Variants in PDE4D observed in about 807,000 individuals in gnomAD.
The protein encoded by PDE4D is 3',5'-cyclic-AMP phosphodiesterase 4D.
PDE4D carries 24 observed loss-of-function variants against 87.4 expected under a neutral mutation model. The ratio of observed to expected loss-of-function variants is 0.27; its 90% CI spans 0.20 to 0.39. The LOEUF is 0.39. PDE4D is among the 10% of genes least tolerant of loss of function. PDE4D has a pLI of 1.00. For synonymous variants in PDE4D, 384 were observed against 383.2 expected, an observed-to-expected ratio of 1.00 and a Z score of -0.02; for missense variants, 714 against 1,041.0, an observed-to-expected ratio of 0.69 and a Z score of 4.32.
At chr5:59,637,626 T>C (rs1832417106) in intron 1 of PDE4D, among the ~76,000 whole-genome samples, 1 of 150,890 alleles carries the variant, frequency 6.6e-6, no homozygotes, top group Non-Finnish European at 1.5e-5. Context: ...CTTGAAACCA[T>C]CATTCTTAGC....
intron 1 of PDE4D, among the ~76,000 whole-genome samples, chr5:60,465,737 A>G (rs1043808562): frequency 6.6e-6 from 1 of 152,146 alleles, no homozygotes; most frequent in Non-Finnish European, 1.5e-5. Flanking sequence ...TACCTATCCT[A>G]CCAAGAATCA....
At chr5:59,742,065 G>T (rs766520643) in intron 1 of PDE4D, among the ~76,000 whole-genome samples, 4 of 152,004 alleles carry the variant, frequency 2.6e-5, no homozygotes, top group East Asian at 3.9e-4. Flanking sequence ...TCTTCTTTTG[G>T]GGGGAGGGTA....
chr5:59,519,403 C>G (rs561724189), intron 1 of PDE4D, among the ~76,000 whole-genome samples: 1 of 152,116 alleles, frequency 6.6e-6, no homozygotes, highest in African/African-American at 2.4e-5. Flanking sequence ...AACATATGAG[C>G]GATGATCTGA....
At chr5:59,102,758 G>A (rs1261339060) in intron 5 of PDE4D, among the ~76,000 whole-genome samples, 3 of 152,258 alleles carry the variant, frequency 2.0e-5, no homozygotes, top group African/African-American at 7.2e-5. Context: ...CAGAAGTACT[G>A]AATCAGAATT....
chr5:59,663,920 C>A (rs1239517413), intron 1 of PDE4D, among the ~76,000 whole-genome samples: 1 of 152,150 alleles, frequency 6.6e-6, no homozygotes, highest in Non-Finnish European at 1.5e-5. Context: ...AAAATATATG[C>A]AGGAAATGCC....
intron 4 of PDE4D, among the ~76,000 whole-genome samples, chr5:59,181,542 TG>T (rs1337159619): frequency 0.46 from 26,265 of 57,642 alleles, 3,337 homozygotes; most frequent in Admixed American, 0.51. Context: ...CAAAGATGTC[TG>T]ATATATATAT....
At chr5:59,975,591 T>C (rs180704110) in intron 3 of PDE4D, among the ~76,000 whole-genome samples, 71 of 152,342 alleles carry the variant, frequency 4.7e-4, no homozygotes, top group Non-Finnish European at 4.9e-4. Context: ...ATTTTTCTTA[T>C]ATTGCACCTG....
At chr5:59,017,943 G>A (rs1211093138) in intron 6 of PDE4D, among the ~76,000 whole-genome samples, 1 of 151,942 alleles carries the variant, frequency 6.6e-6, no homozygotes. Flanking sequence ...TAGAGCATAG[G>A]CTTCTCTAGT....
chr5:59,185,932 A>G (rs937087046), intron 3 of PDE4D, among the ~76,000 whole-genome samples: 1 of 152,178 alleles, frequency 6.6e-6, no homozygotes, highest in Admixed American at 6.5e-5. Flanking sequence ...GCCCACACAC[A>G]TAACAAGGCA....
chr5:59,357,994 C>T (rs1197642201), intron 1 of PDE4D, among the ~76,000 whole-genome samples: 1 of 152,156 alleles, frequency 6.6e-6, no homozygotes, highest in African/African-American at 2.4e-5. Flanking sequence ...CAAAATTGAC[C>T]AAGAGTTGAG....
In PDE4D at chr5:59,848,520, CAT is replaced by C. The variant is rs368254640; in HGVS notation, c.455+44646_455+44647del. Among the ~76,000 whole-genome samples, 500 of 152,048 alleles carry C rather than the reference CAT, an allele frequency of 3.3e-3. 5 individuals carry two copies. Among genetic ancestry groups the C allele is most frequent in the South Asian group, 0.032 (152 of 4,816 alleles). On this transcript the variant is annotated intron_variant, in intron 1 of 14. Coordinates refer to ENST00000340635, the MANE Select transcript of PDE4D (RefSeq NM_001104631.2). ...GATGTTCACAAAAAAATTTTAATGA[CAT>C]AGCAAAATACCTTTCTAATGCGATT...
At chr5:59,453,921 G>T (rs1799523480) in intron 1 of PDE4D, among the ~76,000 whole-genome samples, 1 of 152,220 alleles carries the variant, frequency 6.6e-6, no homozygotes, top group Non-Finnish European at 1.5e-5. Context: ...GTCAATGTTT[G>T]GCTTCAAAGA....
intron 1 of PDE4D, among the ~76,000 whole-genome samples, chr5:60,441,079 C>T (rs970800357): frequency 2.0e-5 from 3 of 151,942 alleles, no homozygotes; most frequent in African/African-American, 7.2e-5. Context: ...GAAGAAACAA[C>T]TAAAGCCAGG....
intron 1 of PDE4D, among the ~76,000 whole-genome samples, chr5:59,832,059 G>A (rs1741331128): frequency 6.6e-6 from 1 of 152,084 alleles, no homozygotes; most frequent in South Asian, 2.1e-4. Flanking sequence ...AAGAGTGATG[G>A]TAGCCTACCT....
In PDE4D at chr5:60,035,540, G is replaced by A. The variant is rs922337365; in HGVS notation, c.43-46823C>T. On this transcript the variant is annotated intron_variant, in intron 2 of 16. Coordinates refer to the PDE4D transcript ENST00000502484. ...CCCTTTTCCTTCCATCAAGTTAGGCGGAGTCTTATTTAAAAATCTAAAATA... is the reference window on the plus strand; with the variant it reads ...CCCTTTTCCTTCCATCAAGTTAGGCAGAGTCTTATTTAAAAATCTAAAATA... 4.6e-5 allele frequency among the ~76,000 whole-genome samples: 7 copies of A among 152,020 alleles called. No individual in the cohort carries two copies. The South Asian group carries it at 6.2e-4, about 14-fold the overall frequency.
At chr5:58,994,018 T>C (rs1315888061) in intron 6 of PDE4D, among the ~76,000 whole-genome samples, 1 of 152,148 alleles carries the variant, frequency 6.6e-6, no homozygotes, top group Non-Finnish European at 1.5e-5. Flanking sequence ...ATTTAGTCTT[T>C]TACTCCAAAG....
At chr5:59,099,458 C>T (rs2153432749) in intron 5 of PDE4D, among the ~76,000 whole-genome samples, 1 of 152,302 alleles carries the variant, frequency 6.6e-6, no homozygotes, top group East Asian at 1.9e-4. Flanking sequence ...GTAACATCCA[C>T]CCTCTTTGGT....
At chr5:59,113,187 A>G (rs1039860791) in intron 5 of PDE4D, among the ~76,000 whole-genome samples, 2 of 152,206 alleles carry the variant, frequency 1.3e-5, no homozygotes, top group Admixed American at 1.3e-4. Context: ...CAACAGATAC[A>G]AGGCATCTTC....
At chr5:59,204,731 G>T (rs1326374806) in intron 2 of PDE4D, among the ~76,000 whole-genome samples, 2 of 152,174 alleles carry the variant, frequency 1.3e-5, no homozygotes, top group Admixed American at 1.3e-4. Context: ...CTAGGAACGG[G>T]ATCTTCTTTC....
Sources: gnomAD v4.1 joint callset for allele counts (sites outside exome capture counted in the v4.1 genomes callset) on GRCh38, gnomAD v4.1.1 for gene constraint, MANE v1.5 for transcripts, NCBI Gene and HGNC (gene_info 2026-07-23, HGNC 2026-07-21) for gene names.